Variants in ANO6 observed in about 807,000 individuals in gnomAD.
The protein encoded by ANO6 is anoctamin 6, also known as anoctamin-6.
ANO6 carries 106 observed loss-of-function variants against 117.5 expected under a neutral mutation model. The observed-to-expected ratio is 0.90, with a 90% CI of 0.77 to 1.06. The LOEUF is 1.06. ANO6 is among the 50% of genes least tolerant of loss of function. The probability of loss-of-function intolerance (pLI) is 0.00; values close to 1 mark genes in which losing one functional copy is unlikely to be tolerated. For missense variants in ANO6, 955 were observed against 1,121.1 expected (o/e 0.85, Z 2.12); for synonymous variants, 367 against 385.1 (o/e 0.95, Z 0.55).
intron 1 of ANO6, among the ~76,000 whole-genome samples, chr12:45,271,937 CT>C (rs1938405151): frequency 6.6e-6 from 1 of 152,132 alleles, no homozygotes; most frequent in Non-Finnish European, 1.5e-5. Context: ...AGTCTTCATA[CT>C]TTCATGCATT....
chr12:45,377,101 T>G (rs527905401), intron 9 of ANO6, among the ~76,000 whole-genome samples: 1 of 152,094 alleles, frequency 6.6e-6, no homozygotes, highest in East Asian at 1.9e-4. Flanking sequence ...CAGACTTTTC[T>G]ACTTTGAAGC....
intron 16 of ANO6, among the ~76,000 whole-genome samples, chr12:45,411,368 TG>T (rs1305423408): frequency 6.6e-6 from 1 of 152,262 alleles, no homozygotes; most frequent in East Asian, 1.9e-4. Context: ...GTTGTTTTCC[TG>T]TTATCTAAAT....
chr12:45,378,159 C>T (rs778113533), intron 10 of ANO6, 46 bp downstream of exon 10: 1 of 1,545,650 alleles, frequency 6.5e-7, no homozygotes, highest in Non-Finnish European at 8.8e-7. Flanking sequence ...GATAGTATTA[C>T]ACAGTTTTAT....
chr12:45,243,350 C>T (rs1275624971), intron 1 of ANO6, among the ~76,000 whole-genome samples: 1 of 152,022 alleles, frequency 6.6e-6, no homozygotes, highest in Non-Finnish European at 1.5e-5. Flanking sequence ...TGTTTAATAG[C>T]TTTTTGAAGT....
At chr12:45,315,625 G>T (rs1306127715) in intron 2 of ANO6, among the ~76,000 whole-genome samples, 1 of 151,916 alleles carries the variant, frequency 6.6e-6, no homozygotes, top group East Asian at 1.9e-4. Context: ...TCCATGATGA[G>T]CTCTGTGTTG....
chr12:45,250,761 TAAAAAAA>T (rs1237444756), intron 1 of ANO6, among the ~76,000 whole-genome samples: 1 of 116,560 alleles, frequency 8.6e-6, no homozygotes, highest in South Asian at 2.9e-4. Flanking sequence ...TCTGGTTACT[TAAAAAAA>T]AAAAAAAAAA....
At chr12:45,291,910 A>G (rs1034628857) in intron 1 of ANO6, among the ~76,000 whole-genome samples, 6 of 152,186 alleles carry the variant, frequency 3.9e-5, no homozygotes, top group Non-Finnish European at 8.8e-5. Context: ...CAATTTGGCA[A>G]TTCCTTAAAA....
intron 1 of ANO6, among the ~76,000 whole-genome samples, chr12:45,281,914 G>C (rs1347489126): frequency 6.6e-6 from 1 of 152,194 alleles, no homozygotes. Flanking sequence ...TTGCTGGCAG[G>C]TGGGCGGGCG....
chr12:45,239,154 G>A (rs200354067), intron 1 of ANO6, among the ~76,000 whole-genome samples: 5 of 152,210 alleles, frequency 3.3e-5, no homozygotes, highest in African/African-American at 1.2e-4. Flanking sequence ...GAATTTGGCT[G>A]TGAATCCATC....
intron 1 of ANO6, among the ~76,000 whole-genome samples, chr12:45,281,822 G>A (rs930197575): frequency 1.3e-5 from 2 of 152,192 alleles, no homozygotes; most frequent in Non-Finnish European, 2.9e-5. Context: ...AGTATTTAAA[G>A]CAGAAAAGTA....
intron 1 of ANO6, among the ~76,000 whole-genome samples, chr12:45,256,877 G>A (rs1299301786): frequency 1.3e-5 from 2 of 152,074 alleles, no homozygotes; most frequent in African/African-American, 2.4e-5. Context: ...CATTTGAATG[G>A]CAGGCACATG....
chr12:45,266,452 G>T (rs1938218512), intron 1 of ANO6, among the ~76,000 whole-genome samples: 1 of 152,056 alleles, frequency 6.6e-6, no homozygotes. Flanking sequence ...CATATCATTT[G>T]TTTTTCCATA....
intron 1 of ANO6, among the ~76,000 whole-genome samples, chr12:45,294,260 C>G (rs1226746162): frequency 6.6e-6 from 1 of 152,078 alleles, no homozygotes; most frequent in African/African-American, 2.4e-5. Flanking sequence ...CAAAGGGGAA[C>G]CTTTTGAGGA....
intron 10 of ANO6, among the ~76,000 whole-genome samples, chr12:45,385,798 A>C (rs909690510): frequency 6.6e-6 from 1 of 152,232 alleles, no homozygotes; most frequent in African/African-American, 2.4e-5. Flanking sequence ...TTTGATCCTG[A>C]TTCCAACATC....
chr12:45,248,187 G>T (rs1947852748), intron 1 of ANO6, among the ~76,000 whole-genome samples: 1 of 152,066 alleles, frequency 6.6e-6, no homozygotes, highest in African/African-American at 2.4e-5. Flanking sequence ...GCTTCATTTT[G>T]TGTAGCTGTA....
intron 1 of ANO6, among the ~76,000 whole-genome samples, chr12:45,294,713 T>G (rs1163461054): frequency 1.3e-5 from 2 of 152,196 alleles, no homozygotes; most frequent in Admixed American, 6.5e-5. Flanking sequence ...TTTCTTTTCA[T>G]TAGAAACAAG....
At chr12:45,381,238 CT>C (rs1942160995) in intron 10 of ANO6, among the ~76,000 whole-genome samples, 1 of 152,156 alleles carries the variant, frequency 6.6e-6, no homozygotes, top group South Asian at 2.1e-4. Flanking sequence ...CAGTAATATC[CT>C]GATTAAGAGG....
chr12:45,436,853 C>T (rs73283355), downstream of ANO6, among the ~76,000 whole-genome samples: 2,009 of 152,188 alleles, frequency 0.013, 37 homozygotes, highest in African/African-American at 0.046. Context: ...CCTGTAATCT[C>T]GGCTACTAGG....
intron 1 of ANO6, among the ~76,000 whole-genome samples, chr12:45,235,218 A>G (rs916739201): frequency 2.6e-5 from 4 of 152,168 alleles, no homozygotes; most frequent in African/African-American, 9.7e-5. Flanking sequence ...GTCTGTGCCT[A>G]CAGATTTAGT....
Sources: allele counts gnomAD v4.1 joint callset (sites outside exome capture counted in the v4.1 genomes callset), GRCh38; gene constraint gnomAD v4.1.1; transcripts MANE v1.5; gene names NCBI Gene and HGNC (gene_info 2026-07-23, HGNC 2026-07-21).